Variants in SNRPB2 observed in about 807,000 individuals in gnomAD.
The protein encoded by SNRPB2 is small nuclear ribonucleoprotein polypeptide B2, also known as U2 small nuclear ribonucleoprotein B''.
A neutral mutation model predicts 26.3 loss-of-function variants in SNRPB2; 16 were observed. The ratio of observed to expected loss-of-function variants is 0.61; its 90% confidence interval spans 0.41 to 0.92. SNRPB2 has a LOEUF of 0.92. Among genes scored for constraint, SNRPB2 ranks in the 40% least tolerant of loss-of-function variants. SNRPB2 has a pLI of 0.00. For synonymous variants in SNRPB2, 75 were observed against 89.0 expected (o/e 0.84, Z 0.88); for missense variants, 179 against 268.1 (o/e 0.67, Z 2.32).
intron 1 of SNRPB2, chr20:16,730,480 C>G (rs2072382408): frequency 6.6e-6 from 1 of 152,270 alleles, no homozygotes. Context: ...GCATGAAACC[C>G]TGCAAGAGCC....
Position 16,737,332 on chromosome 20 carries a change from G to T in SNRPB2, c.309G>T (p.Lys103Asn). 1 of 1,603,762 alleles carries T rather than the reference G, an allele frequency of 6.2e-7. No homozygotes were observed. The highest frequency in any genetic ancestry group is 8.5e-7 in the Non-Finnish European group (1 of 1,176,350). ...GTGGAACTTTTGCTGACAAAGAAAAGAAAAAAGAAAAGAAAAAAGCCAAAA... is the reference window on the plus strand; with the variant it reads ...GTGGAACTTTTGCTGACAAAGAAAATAAAAAAGAAAAGAAAAAAGCCAAAA... ...KMRGTFADKE[K>N]KKEKKKAKTV... is the part of the protein sequence containing the mutation. The change falls in exon 4 of 7, where the codon AAG (lysine) becomes AAT (asparagine). Residue 103 changes from lysine (K) to asparagine (N), a missense_variant. Lys to Asn is a moderately conservative substitution (Grantham distance 94). Coordinates refer to ENST00000246071, the MANE Select transcript of SNRPB2 (RefSeq NM_003092.5).
Position 16,741,024 on chromosome 20 carries a change from T to C in SNRPB2, c.*19T>C, listed in dbSNP as rs747571736. On this transcript the variant is annotated 3_prime_UTR_variant, in exon 7 of 7. Transcript: ENST00000246071. Reference sequence around the variant, plus strand: ...GAAATAACATTTGGGATAGTCGTCTTTAAAAGACTTGGTGTTATTTACAGT... The same window carrying C: ...GAAATAACATTTGGGATAGTCGTCTCTAAAAGACTTGGTGTTATTTACAGT... The C allele has an allele frequency of 5.8e-6, 9 of 1,564,484 alleles. No individual in the cohort carries two copies. The highest frequency in any genetic ancestry group is 1.4e-5 in the African/African-American group (1 of 73,764).
At chr20:16,740,292 A>G (rs2072454764) in intron 5 of SNRPB2, 33 bp from the exon 6 acceptor site, 2 of 1,605,978 alleles carry the variant, frequency 1.2e-6, no homozygotes, top group Non-Finnish European at 8.5e-7. Flanking sequence ...GTTTAAACTT[A>G]CAAGCTAACT....
intron 3 of SNRPB2, among the ~76,000 whole-genome samples, chr20:16,734,974 T>A (rs1347752910): frequency 6.6e-6 from 1 of 152,158 alleles, no homozygotes; most frequent in Non-Finnish European, 1.5e-5. Flanking sequence ...TCAGCCTGTC[T>A]CCTTTTGGTT....
intron 3 of SNRPB2, among the ~76,000 whole-genome samples, chr20:16,736,482 A>G (rs925152828): frequency 3.3e-5 from 5 of 152,194 alleles, no homozygotes; most frequent in African/African-American, 1.2e-4. Context: ...GATGTTTAGA[A>G]TTCTAAAAAA....
chr20:16,735,281 C>T (rs192507156), intron 3 of SNRPB2, among the ~76,000 whole-genome samples: 14 of 147,156 alleles, frequency 9.5e-5, no homozygotes, highest in Admixed American at 8.1e-4. Context: ...TAAAATTTTG[C>T]ATACCTATTG....
chr20:16,734,761 C>A (rs1448283682), intron 3 of SNRPB2, among the ~76,000 whole-genome samples: 3 of 152,176 alleles, frequency 2.0e-5, no homozygotes, highest in Non-Finnish European at 2.9e-5. Flanking sequence ...CTCTGACAGA[C>A]AAAATCACCT....
chr20:16,731,542 A>G (rs1161349721), intron 1 of SNRPB2, 126 bp from the exon 2 acceptor site: 4 of 916,826 alleles, frequency 4.4e-6, no homozygotes, highest in South Asian at 1.7e-5. Context: ...GAGATACAAT[A>G]AAGGCTACAG....
At chr20:16,740,724 A>G in intron 6 of SNRPB2, 122 bp from the exon 7 acceptor site, 1 of 759,604 alleles carries the variant, frequency 1.3e-6, no homozygotes, top group Non-Finnish European at 2.1e-6. Flanking sequence ...TCTACTCAGT[A>G]TTCTTGGTTA....
intron 1 of SNRPB2, among the ~76,000 whole-genome samples, chr20:16,731,290 T>G (rs2072388560): frequency 6.6e-6 from 1 of 152,256 alleles, no homozygotes; most frequent in African/African-American, 2.4e-5. Flanking sequence ...ATGTCTAACC[T>G]TATGATTTTT....
intron 3 of SNRPB2, 55 bp from the exon 4 acceptor site, chr20:16,737,206 T>C (rs2072431807): frequency 7.3e-7 from 1 of 1,361,568 alleles, no homozygotes; most frequent in South Asian, 1.5e-5. Context: ...TATTAATGAC[T>C]AGTGTAAACA....
chr20:16,730,795 A>G (rs777854888), intron 1 of SNRPB2: 1 of 152,292 alleles, frequency 6.6e-6, no homozygotes, highest in African/African-American at 2.4e-5. Flanking sequence ...CATGTAAAAA[A>G]TGCAATAGTG....
chr20:16,733,657 T>C (rs1484139287), intron 3 of SNRPB2, among the ~76,000 whole-genome samples: 1 of 152,256 alleles, frequency 6.6e-6, no homozygotes, highest in African/African-American at 2.4e-5. Flanking sequence ...TCAACTCTGC[T>C]TTTATAGCAG....
intron 5 of SNRPB2, 27 bp from the exon 6 acceptor site, chr20:16,740,298 T>C (rs777751893): frequency 3.1e-6 from 5 of 1,607,116 alleles, no homozygotes; most frequent in Non-Finnish European, 4.2e-6. Context: ...ACTTACAAGC[T>C]AACTTTGCCT....
chr20:16,734,805 T>C (rs1221030683), intron 3 of SNRPB2, among the ~76,000 whole-genome samples: 1 of 152,186 alleles, frequency 6.6e-6, no homozygotes, highest in African/African-American at 2.4e-5. Flanking sequence ...ATGAGCCAGC[T>C]AAGAGCTATT....
intron 3 of SNRPB2, among the ~76,000 whole-genome samples, chr20:16,733,381 G>T (rs942350971): frequency 6.6e-6 from 1 of 152,232 alleles, no homozygotes; most frequent in African/African-American, 2.4e-5. Context: ...ATGCAGGCCT[G>T]TGGGCAGGGT....
chr20:16,740,136 T>G (rs766640724), intron 5 of SNRPB2, among the ~76,000 whole-genome samples, 189 bp from the exon 6 acceptor site: 2 of 152,194 alleles, frequency 1.3e-5, no homozygotes, highest in African/African-American at 2.4e-5. Context: ...CTTAAGAGAT[T>G]TGTAATTTTC....
chr20:16,740,497 C>T (rs2122508638), intron 6 of SNRPB2, 84 bp downstream of exon 6: 1 of 1,562,044 alleles, frequency 6.4e-7, no homozygotes, highest in South Asian at 1.2e-5. Flanking sequence ...CCATTTATCA[C>T]ACAGCAGTAA....
intron 2 of SNRPB2, 65 bp from the exon 3 acceptor site, chr20:16,732,099 C>A: frequency 1.0e-6 from 1 of 962,052 alleles, no homozygotes. Flanking sequence ...AATGCAGTAT[C>A]ATTTTATGAA....
Sources: gnomAD v4.1 joint callset for allele counts (sites outside exome capture counted in the v4.1 genomes callset) on GRCh38, gnomAD v4.1.1 for gene constraint, MANE v1.5 for transcripts, NCBI Gene and HGNC (gene_info 2026-07-23, HGNC 2026-07-21) for gene names.